Variants in FAM53A observed in about 807,000 individuals in gnomAD.
The protein encoded by FAM53A is protein FAM53A.
A neutral mutation model predicts 26.6 loss-of-function variants in FAM53A; 28 were observed. The observed-to-expected ratio is 1.05, with a 90% CI of 0.78 to 1.45. FAM53A has a LOEUF of 1.45. Ranked by LOEUF, FAM53A falls within the 40% of genes most tolerant of loss-of-function variation. FAM53A has a pLI of 0.00. For synonymous variants in FAM53A, 290 were observed against 253.1 expected, an observed-to-expected ratio of 1.15 and a Z score of -1.38; for missense variants, 650 against 575.8, an observed-to-expected ratio of 1.13 and a Z score of -1.32.
At chr4:1,599,529 C>G in the FAM53A span, among the ~76,000 whole-genome samples, 1 of 152,166 alleles carries the variant, frequency 6.6e-6, no homozygotes, top group Non-Finnish European at 1.5e-5. The surrounding 1 kb of genome is among the most constrained non-coding windows in gnomAD (Gnocchi z 6.1). Context: ...CTCGTCAGCA[C>G]AGGTGGAATG....
chr4:1,653,181 C>T (rs911555128), intron 4 of FAM53A, among the ~76,000 whole-genome samples: 1 of 152,070 alleles, frequency 6.6e-6, no homozygotes, highest in Admixed American at 6.5e-5. Context: ...CAGCCCTGCC[C>T]TTCTCCCACC....
At chr4:1,652,052 C>CCA (rs896155775) in intron 4 of FAM53A, among the ~76,000 whole-genome samples, 1 of 134,442 alleles carries the variant, frequency 7.4e-6, no homozygotes, top group African/African-American at 2.8e-5. Context: ...ACCACACACG[C>CCA]CACACACACA....
intron 1 of FAM53A, among the ~76,000 whole-genome samples, chr4:1,625,455 C>G (rs13104054): frequency 1.3e-5 from 1 of 79,556 alleles, no homozygotes; most frequent in Non-Finnish European, 2.3e-5. Flanking sequence ...GAAGGCCCCA[C>G]GTCCCGGCCC....
chr4:1,613,685 A>G (rs1389226847), downstream of FAM53A, among the ~76,000 whole-genome samples: 1 of 152,218 alleles, frequency 6.6e-6, no homozygotes, highest in African/African-American at 2.4e-5. Context: ...CGTGTGAAGC[A>G]GGCCAGGTGT....
At chr4:1,685,462 C>G (rs868628573), upstream of FAM53A, among the ~76,000 whole-genome samples, 2 of 151,974 alleles carry the variant, frequency 1.3e-5, no homozygotes, top group Non-Finnish European at 2.9e-5. Context: ...GCATGGAGGC[C>G]GGCTGGTTCC....
chr4:1,664,182 G>A (rs1714058527), intron 2 of FAM53A, among the ~76,000 whole-genome samples: 1 of 152,224 alleles, frequency 6.6e-6, no homozygotes, highest in Non-Finnish European at 1.5e-5. Flanking sequence ...GAGAGTTTTA[G>A]GTGTGAAAAT....
At position 1,684,260 on chromosome 4, in the gene FAM53A, G is replaced by C. The variant is rs994083876; in HGVS notation, c.-192C>G. ...GAGCGCGGCCGCGGGGGTGCGGAGC[G>C]AGAAGACTGCCGGCCGCCCAGGCCC... On this transcript the variant is annotated 5_prime_UTR_variant, in exon 1 of 5. Coordinates refer to ENST00000308132, the MANE Select transcript of FAM53A (RefSeq NM_001174070.3). The C allele has an allele frequency of 1.3e-5, 2 of 151,122 alleles. No individual in the cohort carries two copies. The highest frequency in any genetic ancestry group is 6.6e-5 in the Admixed American group (1 of 15,170). 9.4% of individuals were successfully genotyped at this position (151,122 alleles called of 1,614,324 possible).
At chr4:1,667,956 C>T (rs1276658213) in intron 2 of FAM53A, among the ~76,000 whole-genome samples, 8 of 152,146 alleles carry the variant, frequency 5.3e-5, no homozygotes, top group South Asian at 4.1e-4. Flanking sequence ...AGGAAGCTAA[C>T]GTGGTGATCA....
chr4:1,639,236 G>A (rs991441710), downstream of FAM53A, among the ~76,000 whole-genome samples: 4 of 152,150 alleles, frequency 2.6e-5, no homozygotes, highest in African/African-American at 9.7e-5. Context: ...TGACCTGAGG[G>A]ACCCTGCCCT....
At chr4:1,632,950 CACAG>C (rs1408381660) in intron 1 of FAM53A, among the ~76,000 whole-genome samples, 5 of 152,246 alleles carry the variant, frequency 3.3e-5, no homozygotes, top group Non-Finnish European at 5.9e-5. Context: ...CACACACGTG[CACAG>C]ACATACATGC....
At chr4:1,663,919 C>T (rs1190276638) in intron 2 of FAM53A, among the ~76,000 whole-genome samples, 1 of 151,784 alleles carries the variant, frequency 6.6e-6, no homozygotes, top group Non-Finnish European at 1.5e-5. Flanking sequence ...CCATAAGGGG[C>T]AGGGCAGTGC....
chr4:1,682,290 G>C (rs1715495839), intron 1 of FAM53A, among the ~76,000 whole-genome samples: 1 of 135,506 alleles, frequency 7.4e-6, no homozygotes, highest in Non-Finnish European at 1.5e-5. Flanking sequence ...TTGAGACAGA[G>C]TCTGGCTCTG....
intron 4 of FAM53A, among the ~76,000 whole-genome samples, chr4:1,645,628 C>T (rs1176931953): frequency 6.6e-6 from 1 of 152,222 alleles, no homozygotes; most frequent in Non-Finnish European, 1.5e-5. Context: ...CTCCTCATCC[C>T]AAGGGGGATG....
At chr4:1,683,102 G>C (rs952208622) in intron 1 of FAM53A, among the ~76,000 whole-genome samples, 1 of 152,220 alleles carries the variant, frequency 6.6e-6, no homozygotes, top group East Asian at 1.9e-4. Flanking sequence ...CAATGGCGCC[G>C]GACGAGGGAA....
At chr4:1,642,495 C>T (rs1002177817) in intron 4 of FAM53A, among the ~76,000 whole-genome samples, 2 of 152,070 alleles carry the variant, frequency 1.3e-5, no homozygotes, top group Non-Finnish European at 2.9e-5. Flanking sequence ...AATAGGGGGT[C>T]CCCCCAGGCT....
downstream of FAM53A, among the ~76,000 whole-genome samples, chr4:1,613,261 G>A (rs1055733994): frequency 6.6e-5 from 10 of 152,234 alleles, no homozygotes; most frequent in Non-Finnish European, 1.0e-4. Context: ...CAAGGTAGGG[G>A]CGCCGGCAGG....
the FAM53A span, among the ~76,000 whole-genome samples, chr4:1,592,638 C>A: frequency 2.6e-5 from 4 of 152,184 alleles, no homozygotes; most frequent in Non-Finnish European, 4.4e-5. Context: ...AGCCCAGGGC[C>A]GTGACACTGG....
At chr4:1,652,900 C>T (rs923668605) in intron 4 of FAM53A, among the ~76,000 whole-genome samples, 6 of 148,190 alleles carry the variant, frequency 4.0e-5, no homozygotes, top group Non-Finnish European at 8.9e-5. Context: ...ACAGACACCA[C>T]ACACTACACA....
intron 2 of FAM53A, among the ~76,000 whole-genome samples, chr4:1,660,198 G>A (rs531834508): frequency 2.6e-5 from 4 of 152,108 alleles, no homozygotes; most frequent in East Asian, 3.9e-4. Context: ...CAGGGGAATC[G>A]CGTGAACCCG....
Sources: allele counts gnomAD v4.1 joint callset (sites outside exome capture counted in the v4.1 genomes callset), GRCh38; gene constraint gnomAD v4.1.1; non-coding constraint Gnocchi (gnomAD v3.1); transcripts MANE v1.5; gene names NCBI Gene and HGNC (gene_info 2026-07-23, HGNC 2026-07-21).